Variants in ATF6 observed in about 807,000 individuals in gnomAD.
ATF6 encodes activating transcription factor 6.
Under a neutral mutation model 83.6 loss-of-function variants are expected in ATF6, and 53 were observed. The observed-to-expected ratio is 0.63, with a 90% confidence interval of 0.51 to 0.80. The LOEUF (loss-of-function observed/expected upper bound fraction) is 0.80. Ranked by LOEUF, ATF6 falls within the 30% of genes least tolerant of loss-of-function variation. The pLI is 0.00. For synonymous variants in ATF6, 288 were observed against 285.8 expected, an observed-to-expected ratio of 1.01 and a Z score of -0.08; for missense variants, 744 against 797.9, an observed-to-expected ratio of 0.93 and a Z score of 0.81.
intron 15 of ATF6, among the ~76,000 whole-genome samples, chr1:161,932,723 T>G (rs1334002731): frequency 6.6e-6 from 1 of 152,234 alleles, no homozygotes; most frequent in African/African-American, 2.4e-5. Flanking sequence ...CAAGTAGAGT[T>G]TAGCAATGTG....
chr1:161,804,832 T>G (rs2101759475), intron 7 of ATF6, among the ~76,000 whole-genome samples: 1 of 152,252 alleles, frequency 6.6e-6, no homozygotes, highest in South Asian at 2.1e-4. Context: ...TTATTAGTTC[T>G]CTGGTGTGAA....
chr1:161,860,300 G>T, intron 13 of ATF6, 23 bp downstream of exon 13: 1 of 1,481,354 alleles, frequency 6.8e-7, no homozygotes, highest in Non-Finnish European at 9.0e-7. Context: ...AGAAGCTCTT[G>T]GCCAAGGAAT....
intron 14 of ATF6, among the ~76,000 whole-genome samples, chr1:161,877,569 G>A (rs1196707199): frequency 6.6e-6 from 1 of 152,114 alleles, no homozygotes; most frequent in African/African-American, 2.4e-5. Flanking sequence ...TGGGAGATTG[G>A]AAGGGGCTAG....
At chr1:161,809,927 A>G (rs548529721) in intron 7 of ATF6, among the ~76,000 whole-genome samples, 4 of 152,198 alleles carry the variant, frequency 2.6e-5, no homozygotes, top group Non-Finnish European at 5.9e-5. Flanking sequence ...TAGATTCTGG[A>G]TATTAGCCCT....
At chr1:161,811,155 A>G (rs1685444943) in intron 7 of ATF6, among the ~76,000 whole-genome samples, 1 of 152,234 alleles carries the variant, frequency 6.6e-6, no homozygotes. Flanking sequence ...TAATTCAACC[A>G]TCAATGGACA....
chr1:161,851,740 A>T lies in ATF6; in HGVS notation c.1338A>T (p.Ser446=). ...KNSYRYDHSV[S]NDKALMVLTE... is the part of the protein sequence containing the mutation. ...GTTTCAGATATGATCATTCTGTTTC[A>T]AATGACAAAGCCCTGATGGTGCTAA... Residue 446 remains serine, a synonymous_variant, in exon 11 of 16, where the codon TCA becomes TCT. Transcript: ENST00000367942. 1 of 1,613,558 alleles carries T rather than the reference A, an allele frequency of 6.2e-7. No individual in the cohort carries two copies. Among genetic ancestry groups the T allele is most frequent in the South Asian group, 1.1e-5 (1 of 90,982 alleles).
At chr1:161,920,467 T>A (rs1400647652) in intron 15 of ATF6, among the ~76,000 whole-genome samples, 1 of 151,772 alleles carries the variant, frequency 6.6e-6, no homozygotes, top group Non-Finnish European at 1.5e-5. Flanking sequence ...GCTAATTTTT[T>A]ATATTTTTAG....
chr1:161,818,049 C>T (rs910361136), intron 7 of ATF6, among the ~76,000 whole-genome samples: 2 of 147,162 alleles, frequency 1.4e-5, no homozygotes, highest in Non-Finnish European at 3.0e-5. Context: ...TGCAGCGGGC[C>T]GAGATCTCCC....
intron 9 of ATF6, among the ~76,000 whole-genome samples, chr1:161,829,383 G>T (rs1374021466): frequency 6.6e-6 from 1 of 151,786 alleles, no homozygotes; most frequent in Non-Finnish European, 1.5e-5. Context: ...TCCAGGAATT[G>T]AACTCAGCTC....
intron 15 of ATF6, among the ~76,000 whole-genome samples, chr1:161,932,565 TAC>T (rs2101903110): frequency 6.6e-6 from 1 of 152,342 alleles, no homozygotes; most frequent in East Asian, 1.9e-4. Flanking sequence ...TTTGATTAGC[TAC>T]TATTAAGAAT....
chr1:161,812,970 C>T (rs1685512149), intron 7 of ATF6, among the ~76,000 whole-genome samples: 2 of 152,054 alleles, frequency 1.3e-5, no homozygotes, highest in South Asian at 2.1e-4. Flanking sequence ...TGGTCTTCTC[C>T]TAATCCAGTG....
rs1689099107 is a variant in ATF6 at position 161,961,574 on chromosome 1, T to C, written c.*2920T>C. 1 of 117,306 alleles carries C rather than the reference T, an allele frequency of 8.5e-6. No individual in the cohort carries two copies. Among genetic ancestry groups the C allele is most frequent in the Non-Finnish European group, 1.6e-5 (1 of 61,526 alleles). 7.3% of individuals were successfully genotyped at this position (117,306 alleles called of 1,614,324 possible). A position where few individuals can be genotyped will look rare whatever the true frequency, so the allele number is the denominator to read the frequency against. ...GAGAAGTTGCCATGCCAGATTAATT[T>C]TTTTTTTTTTTTTTGGTGGGATTGC... On this transcript the variant is annotated 3_prime_UTR_variant, in exon 16 of 16. Coordinates refer to ENST00000367942, the MANE Select transcript of ATF6 (RefSeq NM_007348.4).
intron 14 of ATF6, among the ~76,000 whole-genome samples, chr1:161,890,357 G>T (rs1687521788): frequency 6.6e-6 from 1 of 152,200 alleles, no homozygotes; most frequent in African/African-American, 2.4e-5. Context: ...CAAGGGTTAG[G>T]TCCAGGTTAC....
intron 15 of ATF6, among the ~76,000 whole-genome samples, chr1:161,937,903 A>G (rs1688570769): frequency 6.7e-6 from 1 of 148,540 alleles, no homozygotes; most frequent in African/African-American, 2.5e-5. Flanking sequence ...AAAAAAAATC[A>G]CGCCACTCCT....
chr1:161,929,628 T>G (rs1001936201), intron 15 of ATF6, among the ~76,000 whole-genome samples: 1 of 152,198 alleles, frequency 6.6e-6, no homozygotes, highest in Non-Finnish European at 1.5e-5. Flanking sequence ...AGGCACTAAG[T>G]GGCCAAAAAC....
chr1:161,905,004 C>CA (rs1687854247), intron 14 of ATF6, among the ~76,000 whole-genome samples: 1 of 152,184 alleles, frequency 6.6e-6, no homozygotes. Flanking sequence ...TATAGTCCTC[C>CA]ATATTTCTTT....
At chr1:161,909,424 A>G (rs1380616559) in intron 14 of ATF6, among the ~76,000 whole-genome samples, 1 of 152,150 alleles carries the variant, frequency 6.6e-6, no homozygotes, top group Non-Finnish European at 1.5e-5. Flanking sequence ...GCTAGGAAAT[A>G]TAGTCTTTAT....
intron 7 of ATF6, among the ~76,000 whole-genome samples, chr1:161,804,218 A>G (rs974202451): frequency 6.6e-6 from 1 of 152,172 alleles, no homozygotes; most frequent in African/African-American, 2.4e-5. Flanking sequence ...GAAAATATCC[A>G]AAGTTGCCTT....
intron 12 of ATF6, among the ~76,000 whole-genome samples, chr1:161,856,756 C>T (rs1686774731): frequency 1.3e-5 from 2 of 152,042 alleles, no homozygotes; most frequent in South Asian, 4.1e-4. Context: ...TGGAACTTGT[C>T]ATGTTTTTCT....
Sources: allele counts gnomAD v4.1 joint callset (sites outside exome capture counted in the v4.1 genomes callset), GRCh38; gene constraint gnomAD v4.1.1; transcripts MANE v1.5; gene names NCBI Gene and HGNC (gene_info 2026-07-23, HGNC 2026-07-21).